The following THSD4 variants were observed in gnomAD, a reference collection of about 807,000 sequenced individuals.
The protein encoded by THSD4 is thrombospondin type-1 domain-containing protein 4.
A neutral mutation model predicts 119.0 loss-of-function variants in THSD4; 69 were observed. That is an observed-to-expected ratio of 0.58 (90% confidence interval 0.48 to 0.71). The LOEUF is 0.71. THSD4 is among the 30% of genes least tolerant of loss of function. The pLI, the probability that THSD4 is intolerant of heterozygous loss-of-function variation, is 0.00. For synonymous variants in THSD4, 524 were observed against 540.4 expected (o/e 0.97, Z 0.42); for missense variants, 1,393 against 1,391.1 (o/e 1.00, Z -0.02).
intron 7 of THSD4, among the ~76,000 whole-genome samples, chr15:71,451,589 G>A (rs2047266612): frequency 6.6e-6 from 1 of 152,306 alleles, no homozygotes; most frequent in South Asian, 2.1e-4. Context: ...GACATGATTT[G>A]CATTAACACT....
At chr15:71,199,708 G>GGTGTGTGTGA (rs2043768296) in intron 3 of THSD4, among the ~76,000 whole-genome samples, 1 of 97,362 alleles carries the variant, frequency 1.0e-5, no homozygotes. Context: ...TGGTGTCTGG[G>GGTGTGTGTGA]TGTGTGGTGT....
At chr15:71,314,568 A>G (rs1035943555) in intron 6 of THSD4, among the ~76,000 whole-genome samples, 5 of 152,168 alleles carry the variant, frequency 3.3e-5, no homozygotes, top group African/African-American at 9.7e-5. Flanking sequence ...CGGCCTCCCA[A>G]AGGGCTGGGA....
intron 6 of THSD4, among the ~76,000 whole-genome samples, chr15:71,306,594 A>G (rs895336796): frequency 2.0e-5 from 3 of 152,208 alleles, no homozygotes; most frequent in African/African-American, 7.2e-5. Context: ...TGTCTAGTCC[A>G]CTAGTTCAGC....
intron 7 of THSD4, among the ~76,000 whole-genome samples, chr15:71,435,233 C>T (rs1316812009): frequency 6.6e-6 from 1 of 152,104 alleles, no homozygotes; most frequent in Non-Finnish European, 1.5e-5. Context: ...AAACCAACCC[C>T]AGACAGAGCA....
In THSD4 at chr15:71,455,650, A is replaced by G. The variant is rs147866436; in HGVS notation, c.1152+43827A>G. ...TTCTCTGTAGCATGACACCAGGCCTAGTGTGAAAGTGAATTTGTGGATGTA... is the reference window on the plus strand; with the variant it reads ...TTCTCTGTAGCATGACACCAGGCCTGGTGTGAAAGTGAATTTGTGGATGTA... On this transcript the variant is annotated intron_variant, in intron 7 of 17. Transcript: ENST00000261862. 5.6e-4 allele frequency among the ~76,000 whole-genome samples: 85 copies of G among 152,302 alleles called. 2 individuals carry two copies. In the East Asian group the frequency reaches 0.016, roughly 28 times the overall value.
At chr15:71,302,475 C>A (rs2044964395) in intron 6 of THSD4, among the ~76,000 whole-genome samples, 1 of 152,128 alleles carries the variant, frequency 6.6e-6, no homozygotes, top group Non-Finnish European at 1.5e-5. Context: ...TCAGAGCCGG[C>A]CCCATTTCTG....
At chr15:71,282,233 C>T (rs1774040551) in intron 6 of THSD4, among the ~76,000 whole-genome samples, 1 of 152,150 alleles carries the variant, frequency 6.6e-6, no homozygotes, top group Non-Finnish European at 1.5e-5. Flanking sequence ...GACTATTGCG[C>T]ATTTTCCCAA....
intron 6 of THSD4, among the ~76,000 whole-genome samples, chr15:71,266,113 G>T (rs1226161985): frequency 1.3e-5 from 2 of 152,204 alleles, no homozygotes; most frequent in Non-Finnish European, 2.9e-5. Flanking sequence ...CTCTGGTAAG[G>T]GACAGACTGC....
chr15:71,616,819 CTG>C (rs1782820399), intron 7 of THSD4, among the ~76,000 whole-genome samples: 1 of 152,216 alleles, frequency 6.6e-6, no homozygotes, highest in African/African-American at 2.4e-5. Flanking sequence ...GCATCTGTGA[CTG>C]TTTCACTTCA....
At chr15:71,232,808 C>A (rs1183265308) in intron 4 of THSD4, among the ~76,000 whole-genome samples, 2 of 152,160 alleles carry the variant, frequency 1.3e-5, no homozygotes, top group East Asian at 3.9e-4. Flanking sequence ...ATTTTCTAGG[C>A]AGAAATGAGC....
chr15:71,477,722 C>G (rs1264200628), intron 7 of THSD4, among the ~76,000 whole-genome samples: 2 of 152,156 alleles, frequency 1.3e-5, no homozygotes, highest in African/African-American at 4.8e-5. Context: ...ACCAGTGCAG[C>G]CCAGATCTTC....
chr15:71,538,567 T>C (rs1376813962), intron 7 of THSD4, among the ~76,000 whole-genome samples: 1 of 152,260 alleles, frequency 6.6e-6, no homozygotes, highest in Non-Finnish European at 1.5e-5. Flanking sequence ...TAAGGTTTTC[T>C]AGACAGATAA....
chr15:71,700,305 A>G (rs972031998), intron 8 of THSD4, among the ~76,000 whole-genome samples: 3 of 152,196 alleles, frequency 2.0e-5, no homozygotes, highest in Non-Finnish European at 4.4e-5. Flanking sequence ...AACCATATAG[A>G]TCAGGTAGTT....
intron 7 of THSD4, among the ~76,000 whole-genome samples, chr15:71,627,014 A>G (rs1341174106): frequency 6.6e-6 from 1 of 152,138 alleles, no homozygotes; most frequent in African/African-American, 2.4e-5. Flanking sequence ...ATTCTCTGTT[A>G]TATGAATTTA....
intron 3 of THSD4, among the ~76,000 whole-genome samples, chr15:71,174,898 G>T (rs1206844347): frequency 1.3e-5 from 2 of 151,060 alleles, no homozygotes; most frequent in African/African-American, 2.4e-5. Context: ...ACAAGGCAGG[G>T]TATTCCAACA....
chr15:71,190,536 G>T (rs1179530636), intron 3 of THSD4, among the ~76,000 whole-genome samples: 1 of 152,190 alleles, frequency 6.6e-6, no homozygotes, highest in Non-Finnish European at 1.5e-5. Flanking sequence ...TCTAAAACTA[G>T]TTGCTAACTC....
chr15:71,484,743 T>C (rs2047788815), intron 7 of THSD4, among the ~76,000 whole-genome samples: 1 of 152,326 alleles, frequency 6.6e-6, no homozygotes, highest in East Asian at 1.9e-4. Flanking sequence ...AGACGTGAAG[T>C]GACCTGTCCG....
rs114214906 is a variant in THSD4 at position 71,197,135 on chromosome 15, A to G, written c.100-17900A>G. The stretch of plus-strand genomic sequence containing the variant: ...CCCTTCAGCTTAGTGCAACAGAACT[A>G]TTCTCTGAGCTTCTGTTTCCTCTAC... On this transcript the variant is annotated intron_variant, in intron 3 of 17. Transcript: ENST00000261862. Among the ~76,000 whole-genome samples, 423 of 152,334 alleles carry G rather than the reference A, an allele frequency of 2.8e-3. 1 individual carries two copies. The highest frequency in any genetic ancestry group is 1.0e-2 in the African/African-American group (415 of 41,586).
chr15:71,691,064 G>A (rs1002768990), intron 8 of THSD4, among the ~76,000 whole-genome samples: 6 of 152,202 alleles, frequency 3.9e-5, no homozygotes, highest in Admixed American at 2.0e-4. Flanking sequence ...GGGGCAGGAC[G>A]AAGAGTTGAG....
Sources: gnomAD v4.1 joint callset for allele counts (sites outside exome capture counted in the v4.1 genomes callset) on GRCh38, gnomAD v4.1.1 for gene constraint, MANE v1.5 for transcripts, NCBI Gene and HGNC (gene_info 2026-07-23, HGNC 2026-07-21) for gene names.